The following GALNT17 variants were observed in gnomAD, a reference collection of about 807,000 sequenced individuals.
The protein encoded by GALNT17 is UDP-GalNAc:polypeptide N-acetylgalactosaminyltransferase-like 3.
In GALNT17, 29 loss-of-function variants were observed where a neutral mutation model predicts 63.7. The observed-to-expected ratio is 0.46, with a 90% CI of 0.34 to 0.62. GALNT17 has a LOEUF of 0.62. GALNT17 is among the 20% of genes least tolerant of loss of function. The pLI is 0.01. For missense variants in GALNT17, 603 were observed against 799.6 expected (o/e 0.75, Z 2.97); for synonymous variants, 305 against 318.3 (o/e 0.96, Z 0.45).
intron 5 of GALNT17, among the ~76,000 whole-genome samples, chr7:71,441,020 T>TG (rs1787057052): frequency 2.5e-5 from 1 of 39,670 alleles, no homozygotes; most frequent in African/African-American, 4.7e-5. Context: ...GTTGTTGTTC[T>TG]TTTTTTTTTG....
intron 5 of GALNT17, among the ~76,000 whole-genome samples, chr7:71,516,635 G>A (rs1292050862): frequency 6.6e-6 from 1 of 152,136 alleles, no homozygotes; most frequent in Non-Finnish European, 1.5e-5. Flanking sequence ...GTTCCTTGAA[G>A]AAAATAGGAA....
At chr7:71,170,263 C>T (rs78617483) in intron 1 of GALNT17, among the ~76,000 whole-genome samples, 4,735 of 152,096 alleles carry the variant, frequency 0.031, 199 homozygotes, top group East Asian at 0.11. Flanking sequence ...TTTTTTTCCT[C>T]CCCCTTCAAA....
intron 5 of GALNT17, among the ~76,000 whole-genome samples, chr7:71,534,971 G>A (rs1210983349): frequency 6.6e-6 from 1 of 152,108 alleles, no homozygotes; most frequent in Non-Finnish European, 1.5e-5. Flanking sequence ...GGTTGTTTCT[G>A]GGAGTTTCAG....
At chr7:71,142,030 G>GTGTGTGTGTGTGTT (rs1787906152) in intron 1 of GALNT17, among the ~76,000 whole-genome samples, 1 of 150,610 alleles carries the variant, frequency 6.6e-6, no homozygotes, top group Non-Finnish European at 1.5e-5. Context: ...GTGTGTGTGT[G>GTGTGTGTGTGTGTT]TGTGTGTGTG....
At chr7:71,564,992 C>T (rs1789317963) in intron 5 of GALNT17, among the ~76,000 whole-genome samples, 1 of 152,176 alleles carries the variant, frequency 6.6e-6, no homozygotes, top group Admixed American at 6.5e-5. Flanking sequence ...CTGGGCCGGG[C>T]ACGGTGGCTC....
chr7:71,138,192 G>T (rs1328016458), intron 1 of GALNT17, among the ~76,000 whole-genome samples: 1 of 152,242 alleles, frequency 6.6e-6, no homozygotes, highest in African/African-American at 2.4e-5. Flanking sequence ...ACAAAAATCA[G>T]CTGGGCATGG....
At chr7:71,170,367 A>G (rs952568900) in intron 1 of GALNT17, among the ~76,000 whole-genome samples, 6 of 151,664 alleles carry the variant, frequency 4.0e-5, no homozygotes, top group African/African-American at 1.5e-4. Context: ...ACAGAGTCTC[A>G]CTCTGTCACC....
At chr7:71,249,048 T>G (rs1312619946) in intron 1 of GALNT17, among the ~76,000 whole-genome samples, 1 of 152,204 alleles carries the variant, frequency 6.6e-6, no homozygotes, top group African/African-American at 2.4e-5. Flanking sequence ...CCATTGTCAT[T>G]ATAATGTTTG....
intron 6 of GALNT17, among the ~76,000 whole-genome samples, chr7:71,586,684 T>G (rs1013209488): frequency 1.3e-5 from 2 of 152,102 alleles, no homozygotes; most frequent in Non-Finnish European, 2.9e-5. Context: ...GTAGGGTTTT[T>G]TTTTTTTAAT....
intron 2 of GALNT17, among the ~76,000 whole-genome samples, chr7:71,355,914 G>C (rs1313581307): frequency 6.6e-6 from 1 of 152,124 alleles, no homozygotes; most frequent in African/African-American, 2.4e-5. Flanking sequence ...TCTATCACAT[G>C]AGGCATTCTG....
At chr7:71,540,964 C>T (rs1357039121) in intron 5 of GALNT17, among the ~76,000 whole-genome samples, 4 of 152,096 alleles carry the variant, frequency 2.6e-5, no homozygotes, top group South Asian at 2.1e-4. Context: ...GCCAGCCGGG[C>T]GCGGTGGCTC....
intron 1 of GALNT17, among the ~76,000 whole-genome samples, chr7:71,229,400 C>T (rs554667440): frequency 5.9e-4 from 90 of 152,268 alleles, no homozygotes; most frequent in African/African-American, 2.0e-3. Flanking sequence ...AAGATGGCCC[C>T]GTCTGGACCC....
chr7:71,464,663 C>T (rs1382762202), intron 5 of GALNT17, among the ~76,000 whole-genome samples: 1 of 152,072 alleles, frequency 6.6e-6, no homozygotes, highest in Non-Finnish European at 1.5e-5. Flanking sequence ...GTTTGAATGC[C>T]AGTTGATAAT....
intron 1 of GALNT17, among the ~76,000 whole-genome samples, chr7:71,311,537 A>AC (rs1439286048): frequency 6.6e-6 from 1 of 152,150 alleles, no homozygotes; most frequent in Non-Finnish European, 1.5e-5. Flanking sequence ...TTTTAAAAAA[A>AC]CCTAAGGCCT....
chr7:71,341,280 A>G (rs933792282), intron 2 of GALNT17, among the ~76,000 whole-genome samples: 8 of 152,304 alleles, frequency 5.3e-5, no homozygotes, highest in Non-Finnish European at 2.9e-5. Flanking sequence ...AGAAATGAAA[A>G]TTAGGAGTGG....
chr7:71,419,195 T>C (rs1786614038), intron 4 of GALNT17, among the ~76,000 whole-genome samples: 1 of 152,198 alleles, frequency 6.6e-6, no homozygotes, highest in Admixed American at 6.5e-5. Flanking sequence ...TGATCTGGAC[T>C]TGCATGGGGT....
At chr7:71,345,449 T>C (rs1792074211) in intron 2 of GALNT17, among the ~76,000 whole-genome samples, 1 of 152,192 alleles carries the variant, frequency 6.6e-6, no homozygotes. Flanking sequence ...ACTCAGAAAG[T>C]CTCCTCTTTC....
chr7:71,484,093 G>C (rs1787867783), intron 5 of GALNT17, among the ~76,000 whole-genome samples: 1 of 152,142 alleles, frequency 6.6e-6, no homozygotes. Context: ...CTGTTTTACA[G>C]TTACTTTTTG....
At chr7:71,455,123 C>T (rs1165252617) in intron 5 of GALNT17, among the ~76,000 whole-genome samples, 3 of 150,062 alleles carry the variant, frequency 2.0e-5, no homozygotes, top group East Asian at 2.0e-4. Context: ...AGCCATGACA[C>T]ATCACTGCAC....
Sources: allele counts gnomAD v4.1 joint callset (sites outside exome capture counted in the v4.1 genomes callset), GRCh38; gene constraint gnomAD v4.1.1; transcripts MANE v1.5; gene names NCBI Gene and HGNC (gene_info 2026-07-23, HGNC 2026-07-21).